The following FOXP1 variants were observed in gnomAD, a reference collection of about 807,000 sequenced individuals.
FOXP1 encodes forkhead box P1.
A neutral mutation model predicts 98.2 loss-of-function variants in FOXP1; 15 were observed. That is an observed-to-expected ratio of 0.15 (90% CI 0.10 to 0.24). FOXP1 has a LOEUF of 0.24. Ranked by LOEUF, FOXP1 falls within the 10% of genes least tolerant of loss-of-function variation. The pLI is 1.00. For synonymous variants in FOXP1, 371 were observed against 314.5 expected (o/e 1.18, Z -1.90); for missense variants, 633 against 848.5 (o/e 0.75, Z 3.15).
chr3:70,970,912 C>G (rs1201021714), intron 18 of FOXP1, 107 bp from the exon 19 acceptor site: 1 of 844,636 alleles, frequency 1.2e-6, no homozygotes, highest in Non-Finnish European at 2.0e-6. Flanking sequence ...GAGCAATTTC[C>G]CCCACTAGCA....
Position 70,978,021 on chromosome 3 carries a change from C to T in FOXP1, c.1155G>A (p.Leu385=), listed in dbSNP as rs368920983. 7 of 1,613,722 alleles carry T rather than the reference C, an allele frequency of 4.3e-6. No homozygotes were observed. Among genetic ancestry groups the T allele is most frequent in the Non-Finnish European group, 5.9e-6 (7 of 1,179,844 alleles). The change falls in exon 15 of 21, where the codon CTG becomes CTA. Residue 385 remains leucine (L), a synonymous_variant. Coordinates refer to ENST00000649528, the MANE Select transcript of FOXP1 (RefSeq NM_001349338.3). ...EPKAAPQPLN[L]VSSVTLSKSA... ...ACTTGGAGAGAGTGACACTTGATACCAGATTCAACTGCAAGGAAAAAAACA... is the reference window on the plus strand; with the variant it reads ...ACTTGGAGAGAGTGACACTTGATACTAGATTCAACTGCAAGGAAAAAAACA...
At chr3:71,324,004 G>A (rs1165569445) in intron 4 of FOXP1, among the ~76,000 whole-genome samples, 1 of 151,880 alleles carries the variant, frequency 6.6e-6, no homozygotes, top group Non-Finnish European at 1.5e-5. Context: ...CTACCATGTG[G>A]CCCTCCACTT....
chr3:71,034,652 T>C (rs2047342220), intron 11 of FOXP1, among the ~76,000 whole-genome samples: 1 of 152,224 alleles, frequency 6.6e-6, no homozygotes, highest in Admixed American at 6.5e-5. Flanking sequence ...ACATAAATGT[T>C]AGCTGCATTC....
intron 3 of FOXP1, among the ~76,000 whole-genome samples, chr3:71,426,454 A>G (rs2084162970): frequency 2.0e-5 from 3 of 152,214 alleles, no homozygotes; most frequent in South Asian, 2.1e-4. Context: ...GAAGTCTTCT[A>G]CAAGACGACC....
At chr3:71,061,143 G>A (rs2051413328) in intron 7 of FOXP1, among the ~76,000 whole-genome samples, 2 of 152,032 alleles carry the variant, frequency 1.3e-5, no homozygotes, top group South Asian at 4.1e-4. Flanking sequence ...ATGTCACTTG[G>A]TGGGGGTGGG....
intron 3 of FOXP1, among the ~76,000 whole-genome samples, chr3:71,416,047 A>C (rs2083187940): frequency 6.6e-6 from 1 of 152,188 alleles, no homozygotes; most frequent in Admixed American, 6.5e-5. Flanking sequence ...CAAATTACCT[A>C]CTTTGTGCCA....
At chr3:71,533,643 C>G (rs1301029982) in intron 2 of FOXP1, among the ~76,000 whole-genome samples, 3 of 152,158 alleles carry the variant, frequency 2.0e-5, no homozygotes, top group Admixed American at 1.3e-4. Flanking sequence ...AATCCTTCCC[C>G]TCACTCTTTA....
chr3:71,557,234 C>T (rs1052110870), intron 2 of FOXP1, among the ~76,000 whole-genome samples: 11 of 151,888 alleles, frequency 7.2e-5, no homozygotes, highest in South Asian at 2.1e-4. Flanking sequence ...GCTTGCTACA[C>T]GGATGAGAGA....
At chr3:71,262,019 G>C (rs986046143) in intron 5 of FOXP1, among the ~76,000 whole-genome samples, 1 of 151,964 alleles carries the variant, frequency 6.6e-6, no homozygotes, top group African/African-American at 2.4e-5. Flanking sequence ...TGTAATCCTA[G>C]CATTTTGGGA....
chr3:71,275,224 G>A (rs2070765325), intron 5 of FOXP1, among the ~76,000 whole-genome samples: 1 of 152,176 alleles, frequency 6.6e-6, no homozygotes, highest in South Asian at 2.1e-4. Flanking sequence ...ACAGGTGTAC[G>A]TTCTTTTTTA....
chr3:71,030,908 G>A (rs1264147739), intron 11 of FOXP1, among the ~76,000 whole-genome samples: 2 of 152,082 alleles, frequency 1.3e-5, no homozygotes, highest in Admixed American at 6.6e-5. Flanking sequence ...AATTTAAGTT[G>A]AATATAGGGG....
intron 2 of FOXP1, among the ~76,000 whole-genome samples, chr3:71,498,063 T>C (rs985406044): frequency 3.3e-5 from 5 of 152,184 alleles, no homozygotes; most frequent in Non-Finnish European, 7.3e-5. Flanking sequence ...CAGTGGCTAC[T>C]AAGTCCTTTC....
chr3:71,415,682 T>C (rs1271040440), intron 3 of FOXP1, among the ~76,000 whole-genome samples: 2 of 150,880 alleles, frequency 1.3e-5, no homozygotes, highest in East Asian at 1.9e-4. Flanking sequence ...AAGCAGAACA[T>C]AACTCAATCA....
intron 12 of FOXP1, among the ~76,000 whole-genome samples, chr3:71,005,664 G>A (rs2042721260): frequency 6.6e-6 from 1 of 152,022 alleles, no homozygotes; most frequent in Non-Finnish European, 1.5e-5. Flanking sequence ...CAAACACAAT[G>A]TACCTCTTGT....
chr3:71,562,621 A>G (rs575000563), intron 2 of FOXP1, among the ~76,000 whole-genome samples: 1 of 152,342 alleles, frequency 6.6e-6, no homozygotes, highest in African/African-American at 2.4e-5. Flanking sequence ...AACAACCCAG[A>G]CAGGTACCTA....
At chr3:71,151,660 A>T (rs1399973929) in intron 6 of FOXP1, among the ~76,000 whole-genome samples, 26 of 140,134 alleles carry the variant, frequency 1.9e-4, no homozygotes, top group East Asian at 8.5e-4. Context: ...TGTCTAAAAC[A>T]TTTTTTTTTT....
chr3:71,421,444 T>C (rs1450178331), intron 3 of FOXP1, among the ~76,000 whole-genome samples: 1 of 152,244 alleles, frequency 6.6e-6, no homozygotes, highest in Non-Finnish European at 1.5e-5. Flanking sequence ...TATCTTTTTA[T>C]TCAATAAGAA....
chr3:71,100,239 T>A (rs965146632), intron 7 of FOXP1, among the ~76,000 whole-genome samples: 3 of 152,234 alleles, frequency 2.0e-5, no homozygotes, highest in African/African-American at 7.2e-5. Flanking sequence ...CCACTTCATA[T>A]CCTCAACAAA....
At chr3:71,075,858 G>A (rs983016238) in intron 7 of FOXP1, among the ~76,000 whole-genome samples, 3 of 152,126 alleles carry the variant, frequency 2.0e-5, no homozygotes, top group South Asian at 2.1e-4. Context: ...GGGACCACAG[G>A]TATGAACCAC....
Sources: allele counts gnomAD v4.1 joint callset (sites outside exome capture counted in the v4.1 genomes callset), GRCh38; gene constraint gnomAD v4.1.1; transcripts MANE v1.5; gene names NCBI Gene and HGNC (gene_info 2026-07-23, HGNC 2026-07-21).